Variants in ANKRD31 observed in about 807,000 individuals in gnomAD.
ANKRD31 encodes ankyrin repeat domain-containing protein 31.
ANKRD31 carries 147 observed loss-of-function variants against 186.0 expected under a neutral mutation model. That is an observed-to-expected ratio of 0.79 (90% CI 0.69 to 0.91). The LOEUF (loss-of-function observed/expected upper bound fraction) is 0.91, where lower values mean the gene tolerates loss of function less well. ANKRD31 is among the 40% of genes least tolerant of loss of function. The pLI, the probability that ANKRD31 is intolerant of heterozygous loss-of-function variation, is 0.00. For synonymous variants in ANKRD31, 673 were observed against 736.4 expected (o/e 0.91, Z 1.39); for missense variants, 1,986 against 2,148.8 (o/e 0.92, Z 1.50).
In ANKRD31 at chr5:75,236,735, GCCCGC is replaced by G. The variant is rs1170368805; in HGVS notation, c.-54_-50del. The G allele has an allele frequency of 7.0e-6, 10 of 1,427,936 alleles. No individual in the cohort carries two copies. The Admixed American group carries it at 9.8e-5, about 14-fold the overall frequency. 88.5% of individuals were successfully genotyped at this position (1,427,936 alleles called of 1,614,324 possible). A position where few individuals can be genotyped will look rare whatever the true frequency, so the allele number is the denominator to read the frequency against. Reference sequence around the variant, plus strand: ...TTTTACCCTCCTCTAACTCCCTCTTGCCCGCAAACAAAAAAACGCTTTGAGGGCCA... The same window carrying G: ...TTTTACCCTCCTCTAACTCCCTCTTGAAACAAAAAAACGCTTTGAGGGCCA... On this transcript the variant is annotated 5_prime_UTR_variant, in exon 1 of 26. Coordinates refer to ENST00000506364, the MANE Select transcript of ANKRD31 (RefSeq NM_001372053.1).
chr5:75,220,564 C>T (rs896888071), intron 3 of ANKRD31, among the ~76,000 whole-genome samples: 1 of 151,662 alleles, frequency 6.6e-6, no homozygotes, highest in African/African-American at 2.4e-5. Context: ...ATCACTTGAA[C>T]CTGGGAGGCA....
intron 1 of ANKRD31, among the ~76,000 whole-genome samples, chr5:75,231,947 A>ACACG (rs1561556643): frequency 6.9e-6 from 1 of 144,120 alleles, no homozygotes; most frequent in East Asian, 2.0e-4. Context: ...ACACACACAC[A>ACACG]CAACTTTCTA....
At chr5:75,182,253 A>G (rs7726659) in intron 10 of ANKRD31, among the ~76,000 whole-genome samples, 8,279 of 152,230 alleles carry the variant, frequency 0.054, 526 homozygotes, top group African/African-American at 0.15. Flanking sequence ...CAATATGTAC[A>G]TTGGTTAACT....
chr5:75,210,960 T>G, intron 3 of ANKRD31, 95 bp from the exon 4 acceptor site: 1 of 842,384 alleles, frequency 1.2e-6, no homozygotes, highest in Non-Finnish European at 1.8e-6. Context: ...TTTGTGTTAT[T>G]CTTTCTTAGC....
intron 9 of ANKRD31, among the ~76,000 whole-genome samples, chr5:75,190,986 T>A (rs1371584159): frequency 6.6e-6 from 1 of 152,138 alleles, no homozygotes; most frequent in East Asian, 1.9e-4. Flanking sequence ...TAAATGTATG[T>A]AGTTAATTTT....
chr5:75,233,547 T>TA (rs1435718780), intron 1 of ANKRD31, among the ~76,000 whole-genome samples: 1 of 152,020 alleles, frequency 6.6e-6, no homozygotes, highest in Non-Finnish European at 1.5e-5. Context: ...AAATCTTAAT[T>TA]AAAAATAAAA....
intron 10 of ANKRD31, among the ~76,000 whole-genome samples, chr5:75,173,575 C>T (rs569263614): frequency 3.1e-4 from 47 of 152,092 alleles, no homozygotes; most frequent in Non-Finnish European, 4.6e-4. Context: ...ACAAGCATTC[C>T]TATACACCAA....
At chr5:75,116,758 G>T in intron 18 of ANKRD31, 77 bp from the exon 19 acceptor site, 1 of 709,600 alleles carries the variant, frequency 1.4e-6, no homozygotes, top group Non-Finnish European at 2.0e-6. Context: ...AATGTGATGG[G>T]GATGAGAAGG....
chr5:75,185,442 C>A (rs565530986), intron 10 of ANKRD31, among the ~76,000 whole-genome samples: 12 of 152,206 alleles, frequency 7.9e-5, no homozygotes, highest in African/African-American at 2.9e-4. Flanking sequence ...CCTGTAATCC[C>A]AGCTACTCAG....
At position 75,137,891 on chromosome 5, in the gene ANKRD31, G is replaced by A. The variant is rs867234356; in HGVS notation, c.3841C>T (p.Pro1281Ser). The change falls in exon 17 of 26, where the codon CCC (proline) becomes TCC (serine). Residue 1281 changes from proline (P) to serine (S), a missense_variant. Coordinates refer to ENST00000506364, the MANE Select transcript of ANKRD31 (RefSeq NM_001372053.1). ...TTGTTTGCAACAGCATCATGTAAGG[G>A]CAGAATTCCATCTATATTTTCACAA... is the stretch of plus-strand genomic sequence containing the variant. ...VNCENIDGIL[P>S]LHDAVANNHL... 6.5e-7 allele frequency: 1 copy of A among 1,532,562 alleles called. No homozygotes were observed. Among genetic ancestry groups the A allele is most frequent in the Non-Finnish European group, 8.7e-7 (1 of 1,144,656 alleles). 94.9% of individuals were successfully genotyped at this position (1,532,562 alleles called of 1,614,324 possible).
chr5:75,130,482 G>A (rs2150108914), intron 17 of ANKRD31, among the ~76,000 whole-genome samples: 1 of 152,278 alleles, frequency 6.6e-6, no homozygotes, highest in African/African-American at 2.4e-5. Context: ...TTTACAGAGA[G>A]CTGATTGGTC....
At chr5:75,221,351 C>A (rs1757289219) in intron 3 of ANKRD31, among the ~76,000 whole-genome samples, 1 of 152,100 alleles carries the variant, frequency 6.6e-6, no homozygotes, top group Non-Finnish European at 1.5e-5. Context: ...AGTAAAAATT[C>A]TTTGTGTGTG....
At chr5:75,111,437 T>G (rs1484378026) in intron 20 of ANKRD31, among the ~76,000 whole-genome samples, 1 of 152,198 alleles carries the variant, frequency 6.6e-6, no homozygotes, top group African/African-American at 2.4e-5. Flanking sequence ...TTATTTTATA[T>G]TAGTTTCCTC....
intron 17 of ANKRD31, among the ~76,000 whole-genome samples, chr5:75,135,509 A>G (rs937663518): frequency 5.3e-5 from 8 of 152,078 alleles, no homozygotes; most frequent in African/African-American, 1.7e-4. Context: ...GCTCAACGAA[A>G]TAAAAGAGGA....
rs774413138 is a variant in ANKRD31, at chr5:75,068,490, A to G, written c.*29T>C. ...ATGTTTGTTGGTAATTTGAACAAAT[A>G]TCCAATAAAATATTAAGAAACCAAG... On this transcript the variant is annotated 3_prime_UTR_variant, in exon 26 of 26. Coordinates refer to ENST00000506364, the MANE Select transcript of ANKRD31 (RefSeq NM_001372053.1). The G allele has an allele frequency of 2.1e-6, 3 of 1,445,772 alleles. No individual in the cohort carries two copies. The South Asian group carries it at 4.5e-5, about 22-fold the overall frequency. 89.6% of individuals were successfully genotyped at this position (1,445,772 alleles called of 1,614,324 possible).
At chr5:75,118,555 G>A (rs1403065480) in intron 17 of ANKRD31, among the ~76,000 whole-genome samples, 1 of 152,162 alleles carries the variant, frequency 6.6e-6, no homozygotes, top group African/African-American at 2.4e-5. Flanking sequence ...AGTAGGCATA[G>A]GGAGGTTCAG....
chr5:75,226,504 C>T (rs1266518415), intron 2 of ANKRD31, among the ~76,000 whole-genome samples: 1 of 152,084 alleles, frequency 6.6e-6, no homozygotes, highest in South Asian at 2.1e-4. Context: ...AAAGTATTTG[C>T]AAACTATCCA....
At chr5:75,190,554 A>C (rs1755035248) in intron 9 of ANKRD31, among the ~76,000 whole-genome samples, 1 of 151,998 alleles carries the variant, frequency 6.6e-6, no homozygotes, top group Non-Finnish European at 1.5e-5. Context: ...GTGTCCTCCC[A>C]AAACTCAAAC....
At chr5:75,140,327 A>AAGGAAGGAAGGAAGGAAGGT (rs1561469144) in intron 15 of ANKRD31, among the ~76,000 whole-genome samples, 2 of 150,724 alleles carry the variant, frequency 1.3e-5, no homozygotes, top group Admixed American at 6.6e-5. Flanking sequence ...GGAAGGAAGG[A>AAGGAAGGAAGGAAGGAAGGT]AGGTAGGAAG....
Sources: allele counts gnomAD v4.1 joint callset (sites outside exome capture counted in the v4.1 genomes callset), GRCh38; gene constraint gnomAD v4.1.1; transcripts MANE v1.5; gene names NCBI Gene and HGNC (gene_info 2026-07-23, HGNC 2026-07-21).